The following PRKCI variants were observed in gnomAD, a reference collection of about 807,000 sequenced individuals.
PRKCI encodes protein kinase C iota type.
A neutral mutation model predicts 84.0 loss-of-function variants in PRKCI; 43 were observed. The observed-to-expected ratio is 0.51, with a 90% confidence interval of 0.40 to 0.66. The LOEUF is 0.66. PRKCI is among the 30% of genes least tolerant of loss of function. The probability of loss-of-function intolerance (pLI) is 0.00; values close to 1 mark genes in which losing one functional copy is unlikely to be tolerated. For missense variants in PRKCI, 459 were observed against 745.6 expected, an observed-to-expected ratio of 0.62 and a Z score of 4.48; for synonymous variants, 216 against 234.4, an observed-to-expected ratio of 0.92 and a Z score of 0.72.
At chr3:170,265,518 C>T (rs1347684860) in intron 4 of PRKCI, among the ~76,000 whole-genome samples, 4 of 152,040 alleles carry the variant, frequency 2.6e-5, no homozygotes, top group African/African-American at 4.8e-5. Flanking sequence ...TATTAGGCAA[C>T]TCATTTTCAT....
intron 2 of PRKCI, among the ~76,000 whole-genome samples, chr3:170,242,339 G>C (rs1276627032): frequency 6.6e-6 from 1 of 152,062 alleles, no homozygotes; most frequent in East Asian, 1.9e-4. Flanking sequence ...CACTTTGGGA[G>C]GCTGAGGCAA....
At chr3:170,289,542 GGTGA>G (rs1374278673) in intron 12 of PRKCI, among the ~76,000 whole-genome samples, 1 of 152,144 alleles carries the variant, frequency 6.6e-6, no homozygotes, top group African/African-American at 2.4e-5. Context: ...GGGAGGCTAA[GGTGA>G]GTGAATCACC....
chr3:170,246,038 T>TTG (rs1363373388), intron 2 of PRKCI, among the ~76,000 whole-genome samples: 1 of 144,032 alleles, frequency 6.9e-6, no homozygotes, highest in African/African-American at 2.6e-5. Flanking sequence ...CACTGCAGCC[T>TTG]ACCTCTCAGG....
chr3:170,263,099 G>A (rs1190538830), intron 3 of PRKCI, among the ~76,000 whole-genome samples: 3 of 150,976 alleles, frequency 2.0e-5, no homozygotes, highest in Non-Finnish European at 4.4e-5. Flanking sequence ...AACCCGGGAG[G>A]CGGAGCTTGC....
At chr3:170,299,585 A>G (rs1734772749) in intron 17 of PRKCI, among the ~76,000 whole-genome samples, 1 of 152,244 alleles carries the variant, frequency 6.6e-6, no homozygotes, top group South Asian at 2.1e-4. Flanking sequence ...GTACCATTAT[A>G]AGTTTTAATA....
intron 16 of PRKCI, 94 bp from the exon 17 acceptor site, chr3:170,298,897 CACTT>C (rs534224010): frequency 1.1e-5 from 8 of 750,790 alleles, no homozygotes; most frequent in Non-Finnish European, 1.8e-5. Context: ...CTTCAGGACT[CACTT>C]TAATAAGGTA....
intron 8 of PRKCI, among the ~76,000 whole-genome samples, chr3:170,276,980 C>T: frequency 6.6e-6 from 1 of 151,986 alleles, no homozygotes; most frequent in Non-Finnish European, 1.5e-5. Flanking sequence ...GTGGCTTACA[C>T]CAGTAATCCC....
intron 6 of PRKCI, among the ~76,000 whole-genome samples, chr3:170,273,009 G>A (rs1293013539): frequency 6.6e-6 from 1 of 152,176 alleles, no homozygotes; most frequent in Non-Finnish European, 1.5e-5. Flanking sequence ...AGGTAGTGTT[G>A]AAGAGAAGCA....
intron 12 of PRKCI, among the ~76,000 whole-genome samples, chr3:170,288,378 T>C (rs1266004464): frequency 6.6e-6 from 1 of 152,234 alleles, no homozygotes; most frequent in Non-Finnish European, 1.5e-5. Flanking sequence ...AGGTGTTTCA[T>C]AAATCTGAGA....
At chr3:170,248,388 C>A (rs1733348105) in intron 2 of PRKCI, among the ~76,000 whole-genome samples, 1 of 150,698 alleles carries the variant, frequency 6.6e-6, no homozygotes, top group African/African-American at 2.4e-5. Context: ...GGGAAAAAAC[C>A]TGCTGGTTAA....
At chr3:170,296,530 T>C (rs1011622879) in intron 15 of PRKCI, among the ~76,000 whole-genome samples, 2 of 152,192 alleles carry the variant, frequency 1.3e-5, no homozygotes, top group Non-Finnish European at 2.9e-5. Context: ...TTTTAGGATC[T>C]AGGAGTGTGG....
At chr3:170,248,084 G>C (rs1733335000) in intron 2 of PRKCI, among the ~76,000 whole-genome samples, 1 of 152,174 alleles carries the variant, frequency 6.6e-6, no homozygotes, top group African/African-American at 2.4e-5. Context: ...GGCTAACTCA[G>C]ACATCAGGGA....
At chr3:170,291,770 C>T in intron 12 of PRKCI, 84 bp from the exon 13 acceptor site, 1 of 1,046,092 alleles carries the variant, frequency 9.6e-7, no homozygotes, top group Non-Finnish European at 1.5e-6. Flanking sequence ...AGATGCTGAA[C>T]TTATATGATA....
chr3:170,240,001 T>A lies in PRKCI; in HGVS notation c.223+4650T>A, dbSNP rs182635890. On this transcript the variant is annotated intron_variant, in intron 2 of 17. Coordinates refer to ENST00000295797, the MANE Select transcript of PRKCI (RefSeq NM_002740.6). ...TGAGACCCTGTCCCTACAAAAAAAATTTTTTTTTTAGTTAGCTGGGCATGG... is the reference window on the plus strand; with the variant it reads ...TGAGACCCTGTCCCTACAAAAAAAAATTTTTTTTTAGTTAGCTGGGCATGG... 9.0e-3 allele frequency among the ~76,000 whole-genome samples: 1,359 copies of A among 150,574 alleles called. 21 individuals carry two copies. The highest frequency in any genetic ancestry group is 0.031 in the African/African-American group (1,289 of 41,146).
intron 7 of PRKCI, among the ~76,000 whole-genome samples, chr3:170,274,715 G>A (rs978913992): frequency 6.6e-6 from 1 of 151,980 alleles, no homozygotes; most frequent in African/African-American, 2.4e-5. Flanking sequence ...TGAAATGCAG[G>A]CTCTTTTTTT....
At chr3:170,249,549 G>A (rs1733383866) in intron 2 of PRKCI, among the ~76,000 whole-genome samples, 1 of 152,144 alleles carries the variant, frequency 6.6e-6, no homozygotes, top group South Asian at 2.1e-4. Flanking sequence ...AGCACTTTTG[G>A]AGACCAAGGT....
At chr3:170,290,705 G>C (rs1407912171) in intron 12 of PRKCI, among the ~76,000 whole-genome samples, 1 of 151,400 alleles carries the variant, frequency 6.6e-6, no homozygotes, top group African/African-American at 2.4e-5. Context: ...TTTACTCTTT[G>C]TATTTTGAGG....
intron 15 of PRKCI, among the ~76,000 whole-genome samples, chr3:170,296,319 T>C (rs2108867091): frequency 6.6e-6 from 1 of 152,364 alleles, no homozygotes. Context: ...GAACTCTGTT[T>C]CCATTTTCTC....
chr3:170,250,527 A>T (rs139155342), intron 2 of PRKCI, among the ~76,000 whole-genome samples: 11 of 137,316 alleles, frequency 8.0e-5, no homozygotes, highest in African/African-American at 3.0e-4. Flanking sequence ...CTAGACAACC[A>T]CTAATCCACG....
Sources: allele counts gnomAD v4.1 joint callset (sites outside exome capture counted in the v4.1 genomes callset), GRCh38; gene constraint gnomAD v4.1.1; transcripts MANE v1.5; gene names NCBI Gene and HGNC (gene_info 2026-07-23, HGNC 2026-07-21).